The following CACNA1A variants were observed in gnomAD, a reference collection of about 807,000 sequenced individuals.
CACNA1A encodes voltage-dependent P/Q-type calcium channel subunit alpha-1A.
In CACNA1A, 57 loss-of-function variants were observed where a neutral mutation model predicts 262.4. That is an observed-to-expected ratio of 0.22 (90% CI 0.18 to 0.27). CACNA1A has a LOEUF of 0.27. Among genes scored for constraint, CACNA1A ranks in the 10% least tolerant of loss-of-function variants. The pLI is 1.00. For synonymous variants in CACNA1A, 1,431 were observed against 1,419.3 expected, an observed-to-expected ratio of 1.01 and a Z score of -0.18; for missense variants, 2,526 against 3,562.8, an observed-to-expected ratio of 0.71 and a Z score of 7.41.
chr19:13,321,514 A>C (rs2145072818), intron 10 of CACNA1A, among the ~76,000 whole-genome samples: 1 of 152,262 alleles, frequency 6.6e-6, no homozygotes, highest in East Asian at 1.9e-4. Flanking sequence ...TCCTTGTGTG[A>C]GCATCTTAAA....
intron 6 of CACNA1A, among the ~76,000 whole-genome samples, chr19:13,347,047 T>C (rs1423086591): frequency 1.6e-5 from 2 of 128,562 alleles, no homozygotes; most frequent in Non-Finnish European, 1.6e-5. Flanking sequence ...TTCCTTCAGG[T>C]CTGTTTTTTT....
At chr19:13,345,889 C>G (rs6511857) in intron 6 of CACNA1A, among the ~76,000 whole-genome samples, 1 of 143,064 alleles carries the variant, frequency 7.0e-6, no homozygotes. Context: ...TGTCTGTTCA[C>G]GAAGTCTTTT....
chr19:13,354,285 G>C (rs1291101415), intron 6 of CACNA1A, among the ~76,000 whole-genome samples: 5 of 152,218 alleles, frequency 3.3e-5, no homozygotes. Context: ...TCAGAGCTGG[G>C]TAAATGGAGT....
chr19:13,361,863 T>C (rs1464000732), intron 5 of CACNA1A, among the ~76,000 whole-genome samples: 1 of 152,184 alleles, frequency 6.6e-6, no homozygotes, highest in East Asian at 1.9e-4. Context: ...ATGAGAACTA[T>C]CGTTTAGCAT....
At chr19:13,240,308 C>T (rs796514795) in intron 31 of CACNA1A, among the ~76,000 whole-genome samples, 6 of 147,668 alleles carry the variant, frequency 4.1e-5, no homozygotes, top group African/African-American at 7.5e-5. Flanking sequence ...GTGTGTATAG[C>T]GACTGTGTGT....
At chr19:13,412,423 G>A (rs550103681) in intron 3 of CACNA1A, among the ~76,000 whole-genome samples, 4 of 151,836 alleles carry the variant, frequency 2.6e-5, no homozygotes, top group South Asian at 2.1e-4. Flanking sequence ...AGGAGAAACT[G>A]GGTGAAGGGT....
chr19:13,322,892 C>A (rs1005765876), intron 10 of CACNA1A, among the ~76,000 whole-genome samples: 1 of 152,210 alleles, frequency 6.6e-6, no homozygotes, highest in African/African-American at 2.4e-5. Flanking sequence ...TTGATTACCA[C>A]CTGCAAAGAC....
intron 3 of CACNA1A, among the ~76,000 whole-genome samples, chr19:13,420,084 A>C (rs772242862): frequency 1.6e-4 from 25 of 151,968 alleles, no homozygotes; most frequent in Non-Finnish European, 2.9e-4. Flanking sequence ...CTATCTCAAC[A>C]TAAAAATAAA....
chr19:13,255,797 CTCCT>C (rs2056547843), intron 28 of CACNA1A, among the ~76,000 whole-genome samples: 2 of 133,264 alleles, frequency 1.5e-5, no homozygotes, highest in African/African-American at 3.1e-5. Context: ...TCCTCCCTCC[CTCCT>C]TCACTTTCCT....
At position 13,303,895 on chromosome 19, in the gene CACNA1A, A is replaced by T; in HGVS notation, c.1987-11T>A. ...TTCGCCCGTCAGGATCTGAAAGGGGAGGAAGAAACACACAGCCAACCCCCC... is the reference window on the plus strand; with the variant it reads ...TTCGCCCGTCAGGATCTGAAAGGGGTGGAAGAAACACACAGCCAACCCCCC... On this transcript the variant is annotated splice_polypyrimidine_tract_variant and intron_variant, in intron 15 of 46. Transcript: ENST00000360228. The T allele has an allele frequency of 6.3e-7, 1 of 1,587,254 alleles. No homozygotes were observed. The highest frequency in any genetic ancestry group is 8.6e-7 in the Non-Finnish European group (1 of 1,157,640).
rs768048563 is a variant in CACNA1A at position 13,298,829 on chromosome 19, C to T, written c.2804G>A (p.Arg935Gln). 2.7e-5 allele frequency: 43 copies of T among 1,576,438 alleles called. No individual in the cohort carries two copies. Among genetic ancestry groups the T allele is most frequent in the South Asian group, 6.8e-5 (6 of 87,748 alleles). ...AGDPHRRHVHRQGGSRESRSG... is the reference protein window; with the variant it reads ...AGDPHRRHVHQQGGSRESRSG... The stretch of plus-strand genomic sequence containing the variant: ...GCGGCTCTCCCTGCTGCCCCCCTGC[C>T]GGTGCACGTGCCTCCGGTGGGGGTC... Residue 935 changes from arginine to glutamine, a missense_variant, in exon 19 of 47, where the codon CGG (arginine) becomes CAG (glutamine). Arg to Gln is a conservative substitution (Grantham distance 43). Transcript: ENST00000360228.
intron 1 of CACNA1A, among the ~76,000 whole-genome samples, chr19:13,455,583 T>G (rs1186073124): frequency 6.6e-6 from 1 of 152,196 alleles, no homozygotes. Flanking sequence ...ATGAGATGAC[T>G]ACATCATGTA....
At chr19:13,351,801 T>A (rs2058915025) in intron 6 of CACNA1A, among the ~76,000 whole-genome samples, 1 of 151,962 alleles carries the variant, frequency 6.6e-6, no homozygotes, top group South Asian at 2.1e-4. Context: ...AGCCACCGCA[T>A]CTGGCTAATT....
intron 10 of CACNA1A, among the ~76,000 whole-genome samples, chr19:13,318,300 T>C (rs67507307): frequency 0.29 from 44,513 of 151,830 alleles, 7,098 homozygotes; most frequent in East Asian, 0.47. Flanking sequence ...CATGAATGTG[T>C]CTGCCCGACA....
At chr19:13,380,372 G>A (rs1337470032) in intron 3 of CACNA1A, among the ~76,000 whole-genome samples, 6 of 150,246 alleles carry the variant, frequency 4.0e-5, no homozygotes, top group Non-Finnish European at 5.9e-5. Flanking sequence ...ATAGCCAGGC[G>A]CGGTGGCTCA....
chr19:13,317,580 A>G (rs376879022), intron 10 of CACNA1A, among the ~76,000 whole-genome samples: 18 of 152,128 alleles, frequency 1.2e-4, no homozygotes, highest in African/African-American at 3.9e-4. Flanking sequence ...GCAGGAGCCA[A>G]TTTTCCATGT....
chr19:13,325,325 C>G (rs990747482), intron 10 of CACNA1A, among the ~76,000 whole-genome samples: 1 of 151,974 alleles, frequency 6.6e-6, no homozygotes, highest in Admixed American at 6.6e-5. Context: ...ATAGCGAGAC[C>G]GTGTCTCTAT....
At chr19:13,418,478 C>T (rs1259879411) in intron 3 of CACNA1A, among the ~76,000 whole-genome samples, 4 of 152,042 alleles carry the variant, frequency 2.6e-5, no homozygotes, top group Admixed American at 6.6e-5. Flanking sequence ...TATGCAGGTA[C>T]GATTTAGTTA....
chr19:13,245,412 C>A, intron 30 of CACNA1A, 147 bp from the exon 31 acceptor site: 1 of 666,934 alleles, frequency 1.5e-6, no homozygotes, highest in East Asian at 2.7e-5. Context: ...GCGGTAAAGG[C>A]TGTTCGACAT....
Sources: allele counts gnomAD v4.1 joint callset (sites outside exome capture counted in the v4.1 genomes callset), GRCh38; gene constraint gnomAD v4.1.1; transcripts MANE v1.5; gene names NCBI Gene and HGNC (gene_info 2026-07-23, HGNC 2026-07-21).